Variants in GABRR2 observed in about 807,000 individuals in gnomAD.
GABRR2 encodes the protein gamma-aminobutyric acid receptor subunit rho-2.
A neutral mutation model predicts 47.0 loss-of-function variants in GABRR2; 36 were observed. The observed-to-expected ratio is 0.77, with a 90% CI of 0.59 to 1.01. GABRR2 has a LOEUF of 1.01. Ranked by LOEUF, GABRR2 falls within the 50% of genes least tolerant of loss-of-function variation. The probability of loss-of-function intolerance (pLI) is 0.00; values close to 1 mark genes in which losing one functional copy is unlikely to be tolerated. For missense variants in GABRR2, 587 were observed against 594.6 expected, an observed-to-expected ratio of 0.99 and a Z score of 0.13; for synonymous variants, 204 against 227.5, an observed-to-expected ratio of 0.90 and a Z score of 0.93.
intron 1 of GABRR2, among the ~76,000 whole-genome samples, chr6:89,310,405 C>T (rs1325845668): frequency 6.6e-6 from 1 of 152,108 alleles, no homozygotes; most frequent in Non-Finnish European, 1.5e-5. Flanking sequence ...TTCCTCCTAC[C>T]TCTCTGACAG....
At chr6:89,261,505 C>G (rs1234338211) in intron 8 of GABRR2, among the ~76,000 whole-genome samples, 1 of 152,152 alleles carries the variant, frequency 6.6e-6, no homozygotes, top group Non-Finnish European at 1.5e-5. Flanking sequence ...TGTTATTCCT[C>G]CTCTCTTTTG....
chr6:89,286,368 C>G (rs571944425), intron 2 of GABRR2, among the ~76,000 whole-genome samples: 1 of 152,262 alleles, frequency 6.6e-6, no homozygotes, highest in South Asian at 2.1e-4. Flanking sequence ...ACTAACAACA[C>G]TGTATTGAGT....
At chr6:89,258,155 C>T (rs948079538) in intron 8 of GABRR2, among the ~76,000 whole-genome samples, 174 bp from the exon 9 acceptor site, 1 of 152,234 alleles carries the variant, frequency 6.6e-6, no homozygotes, top group Non-Finnish European at 1.5e-5. Context: ...ATATTAGAAT[C>T]ATCTGCACAG....
In GABRR2 at chr6:89,315,194, GC is replaced by G. The variant is rs780658304; in HGVS notation, c.-30del. On this transcript the variant is annotated 5_prime_UTR_variant, in exon 1 of 9. Coordinates refer to ENST00000402938, the MANE Select transcript of GABRR2 (RefSeq NM_002043.5). ...GTGGACATCTGTGAGGCAAAAAGCT[GC>G]TTTCCAGTAGCCTGTGGCAGAGCAA... 4.3e-6 allele frequency: 7 copies of G among 1,613,444 alleles called. No individual in the cohort carries two copies. In the South Asian group the frequency reaches 7.7e-5, roughly 18 times the overall value.
intron 2 of GABRR2, among the ~76,000 whole-genome samples, chr6:89,296,295 G>A (rs1356567399): frequency 2.0e-5 from 3 of 152,250 alleles, no homozygotes; most frequent in African/African-American, 7.2e-5. Context: ...TCCCCGTCCT[G>A]CGATCATCCC....
At chr6:89,288,278 A>G (rs1774366124) in intron 2 of GABRR2, among the ~76,000 whole-genome samples, 1 of 132,076 alleles carries the variant, frequency 7.6e-6, no homozygotes, top group Non-Finnish European at 1.8e-5. Flanking sequence ...GGGCAAAGAC[A>G]AAAAAAAGGA....
chr6:89,258,832 G>T (rs1228941711), intron 8 of GABRR2, among the ~76,000 whole-genome samples: 1 of 148,920 alleles, frequency 6.7e-6, no homozygotes, highest in South Asian at 2.1e-4. Flanking sequence ...TGTATTTTTA[G>T]ACAGTTCAAC....
At chr6:89,286,723 G>C (rs777050790) in intron 2 of GABRR2, among the ~76,000 whole-genome samples, 1 of 152,170 alleles carries the variant, frequency 6.6e-6, no homozygotes, top group Admixed American at 6.5e-5. Context: ...AGACTGCCAC[G>C]AGGGTGGGTG....
At chr6:89,308,298 A>G (rs569702335) in intron 1 of GABRR2, among the ~76,000 whole-genome samples, 1 of 152,280 alleles carries the variant, frequency 6.6e-6, no homozygotes, top group African/African-American at 2.4e-5. Context: ...GCACTGATCA[A>G]TAAAGTGGCC....
intron 1 of GABRR2, 39 bp downstream of exon 1, chr6:89,315,014 T>C: frequency 1.3e-6 from 2 of 1,576,274 alleles, no homozygotes; most frequent in Non-Finnish European, 1.7e-6. Context: ...GCTGCTACTA[T>C]GCAGGGTAAC....
intron 1 of GABRR2, among the ~76,000 whole-genome samples, chr6:89,309,478 C>T (rs1218132826): frequency 6.6e-6 from 1 of 152,104 alleles, no homozygotes; most frequent in African/African-American, 2.4e-5. Flanking sequence ...CATCTAAACT[C>T]CACATCTTCC....
chr6:89,302,681 C>T (rs1767477227), intron 1 of GABRR2: 1 of 1,306,374 alleles, frequency 7.7e-7, no homozygotes. Flanking sequence ...GCGACCGGCA[C>T]CACGGCTGCT....
At position 89,278,600 on chromosome 6, in the gene GABRR2, GGGCTTTTCC is replaced by G. The variant is rs1252110091; in HGVS notation, c.221-6887_221-6879del. On this transcript the variant is annotated intron_variant, in intron 2 of 8. Coordinates refer to ENST00000402938, the MANE Select transcript of GABRR2 (RefSeq NM_002043.5). ...ACTTAAACTCTACCTTTCTTCTAGGGGGCTTTTCCTGAGCCCCTGGGTAAGGTTGTGGGG... is the reference window on the plus strand; with the variant it reads ...ACTTAAACTCTACCTTTCTTCTAGGGTGAGCCCCTGGGTAAGGTTGTGGGG... Among the ~76,000 whole-genome samples the G allele has an allele frequency of 3.9e-5, 6 of 152,264 alleles. No homozygotes were observed. The South Asian group carries it at 1.2e-3, about 32-fold the overall frequency.
At chr6:89,263,441 C>G (rs1007363612) in intron 8 of GABRR2, among the ~76,000 whole-genome samples, 2 of 152,124 alleles carry the variant, frequency 1.3e-5, no homozygotes, top group Non-Finnish European at 2.9e-5. Context: ...AAGGGGTCAG[C>G]CCCCCCAACC....
intron 8 of GABRR2, among the ~76,000 whole-genome samples, chr6:89,258,392 C>T (rs181338405): frequency 6.0e-4 from 92 of 152,136 alleles, no homozygotes; most frequent in Non-Finnish European, 1.1e-3. Flanking sequence ...CAGGACTCCA[C>T]CTTTCTGTGC....
chr6:89,308,501 A>G (rs981531987), intron 1 of GABRR2, among the ~76,000 whole-genome samples: 1 of 152,108 alleles, frequency 6.6e-6, no homozygotes, highest in East Asian at 1.9e-4. Context: ...ATAAATAAAT[A>G]ACATTTCCAT....
intron 8 of GABRR2, among the ~76,000 whole-genome samples, chr6:89,259,538 C>T (rs549809971): frequency 6.6e-6 from 1 of 151,416 alleles, no homozygotes; most frequent in Non-Finnish European, 1.5e-5. Context: ...GAGTCTCACT[C>T]TATCCCCCAG....
chr6:89,315,216 A>G lies in GABRR2; in HGVS notation c.-51T>C, dbSNP rs769560686. ...GCTGCTTTCCAGTAGCCTGTGGCAG[A>G]GCAAATCCCCCCTGGCTTGACCATT... On this transcript the variant is annotated 5_prime_UTR_variant, in exon 1 of 9. Transcript: ENST00000402938. 1.9e-6 allele frequency: 3 copies of G among 1,612,080 alleles called. No individual in the cohort carries two copies. The highest frequency in any genetic ancestry group is 1.1e-5 in the South Asian group (1 of 90,858).
intron 2 of GABRR2, among the ~76,000 whole-genome samples, chr6:89,273,720 G>A (rs775171729): frequency 3.9e-5 from 6 of 152,184 alleles, no homozygotes; most frequent in Non-Finnish European, 8.8e-5. Context: ...CCTAGATCCC[G>A]CTCCCTGCTA....
Sources: allele counts gnomAD v4.1 joint callset (sites outside exome capture counted in the v4.1 genomes callset), GRCh38; gene constraint gnomAD v4.1.1; transcripts MANE v1.5; gene names NCBI Gene and HGNC (gene_info 2026-07-23, HGNC 2026-07-21).